HIVEP3: variants seen among roughly 807,000 people sequenced by gnomAD.
HIVEP3 encodes the protein HIVEP zinc finger 3.
Under a neutral mutation model 152.8 loss-of-function variants are expected in HIVEP3, and 49 were observed. The ratio of observed to expected loss-of-function variants is 0.32; its 90% CI spans 0.26 to 0.41. HIVEP3 has a LOEUF of 0.41. Ranked by LOEUF, HIVEP3 falls within the 10% of genes least tolerant of loss-of-function variation. HIVEP3 has a pLI of 1.00. For missense variants in HIVEP3, 2,790 were observed against 3,103.3 expected (o/e 0.90, Z 2.40); for synonymous variants, 1,269 against 1,289.0 (o/e 0.98, Z 0.33).
intron 3 of HIVEP3, among the ~76,000 whole-genome samples, chr1:41,605,635 G>C (rs991326730): frequency 6.6e-6 from 1 of 152,134 alleles, no homozygotes; most frequent in Non-Finnish European, 1.5e-5. Flanking sequence ...GACTCCTGGG[G>C]GTGGGGAGGG....
In HIVEP3 at chr1:41,818,464, G is replaced by A. The variant is rs180982707; in HGVS notation, c.-801+99949C>T. 3.3e-5 allele frequency among the ~76,000 whole-genome samples: 5 copies of A among 152,264 alleles called. No homozygotes were observed. In the East Asian group the frequency reaches 9.6e-4, roughly 29 times the overall value. ...CAGATGTAAATCCCTGGGGGCGGGG[G>A]CATTGATGAAGAAATGTGTTCAAGT... On this transcript the variant is annotated intron_variant, in intron 1 of 8. Coordinates refer to ENST00000372583, the MANE Select transcript of HIVEP3 (RefSeq NM_024503.5).
intron 2 of HIVEP3, among the ~76,000 whole-genome samples, chr1:41,649,136 C>T (rs1341118653): frequency 6.6e-6 from 1 of 152,238 alleles, no homozygotes. Context: ...TCAAAAGCCT[C>T]AAGTAGAGTC....
At chr1:41,562,554 C>CTTCT (rs1333468717) in intron 5 of HIVEP3, among the ~76,000 whole-genome samples, 1 of 76,210 alleles carries the variant, frequency 1.3e-5, no homozygotes, top group Non-Finnish European at 3.3e-5. Context: ...TCCTTCCTTC[C>CTTCT]TTCTTTCCTT....
Position 41,873,115 on chromosome 1 carries a change from C to A in HIVEP3, c.-801+45298G>T, listed in dbSNP as rs1341422573. Among the ~76,000 whole-genome samples, 1 of 152,250 alleles carries A rather than the reference C, an allele frequency of 6.6e-6. No individual in the cohort carries two copies. Reference sequence around the variant, plus strand: ...CTGCTTTGCTGAAGGGGCTGGCAGGCGGCTTCCCAGGCAGGGTCTGCTCAG... The same window carrying A: ...CTGCTTTGCTGAAGGGGCTGGCAGGAGGCTTCCCAGGCAGGGTCTGCTCAG... On this transcript the variant is annotated intron_variant, in intron 1 of 8. Coordinates refer to ENST00000372583, the MANE Select transcript of HIVEP3 (RefSeq NM_024503.5). The surrounding 1 kb of genome is among the most constrained non-coding windows in gnomAD (Gnocchi z 4.2).
At chr1:41,539,561 A>G (rs1050617496) in intron 5 of HIVEP3, among the ~76,000 whole-genome samples, 3 of 152,102 alleles carry the variant, frequency 2.0e-5, no homozygotes, top group Non-Finnish European at 4.4e-5. Context: ...TCACTCCCTT[A>G]TGTCCCAGAC....
chr1:41,812,428 C>G (rs1651016986), intron 1 of HIVEP3, among the ~76,000 whole-genome samples: 1 of 152,082 alleles, frequency 6.6e-6, no homozygotes, highest in Admixed American at 6.5e-5. Flanking sequence ...CAGAGCAAGA[C>G]TGTCTTAAAA....
At chr1:41,772,540 G>T (rs1015937497) in intron 1 of HIVEP3, among the ~76,000 whole-genome samples, 1 of 152,204 alleles carries the variant, frequency 6.6e-6, no homozygotes, top group Non-Finnish European at 1.5e-5. Context: ...TAACAGTGAA[G>T]AAAAAGGTGG....
intron 1 of HIVEP3, among the ~76,000 whole-genome samples, chr1:41,737,955 T>A (rs1346779877): frequency 2.6e-5 from 4 of 152,248 alleles, no homozygotes; most frequent in African/African-American, 7.2e-5. Context: ...TTGCTGTACC[T>A]GTTCTGTTCT....
At chr1:41,529,278 AC>A (rs1262038866) in intron 5 of HIVEP3, among the ~76,000 whole-genome samples, 2 of 75,616 alleles carry the variant, frequency 2.6e-5, no homozygotes, top group African/African-American at 6.0e-5. Flanking sequence ...ACATGCTCAC[AC>A]CCCCCACTGA....
chr1:41,631,772 T>C (rs992739260), intron 2 of HIVEP3, among the ~76,000 whole-genome samples: 6 of 152,132 alleles, frequency 3.9e-5, no homozygotes, highest in Non-Finnish European at 5.9e-5. Context: ...TGGGTTTCTA[T>C]CCTCCCTGAT....
intron 1 of HIVEP3, among the ~76,000 whole-genome samples, chr1:41,979,662 A>T (rs1011102825): frequency 1.3e-5 from 2 of 152,304 alleles, no homozygotes; most frequent in South Asian, 4.1e-4. Context: ...GTGATCTCAT[A>T]TCCAGGGCTT....
Position 41,513,393 on chromosome 1 carries a change from C to A in HIVEP3, c.5828G>T (p.Gly1943Val). The change falls in exon 8 of 9, where the codon GGA becomes GTA. Residue 1943 changes from glycine to valine, a missense_variant. Physicochemically the swap from Gly to Val is moderately radical, Grantham distance 109. Around this residue, in one of 9 missense-constraint regions of HIVEP3, gnomAD observed 816 missense variants for 806.5 expected, o/e 1.01. Transcript: ENST00000372583. Reference sequence around the variant, plus strand: ...CTCCACAGAGCCCAGAGGGGCCGGTCCCAGCCAGGGGAGGCCCGGCATGCT... The same window carrying A: ...CTCCACAGAGCCCAGAGGGGCCGGTACCAGCCAGGGGAGGCCCGGCATGCT... Reference protein sequence around the residue: ...SQSMPGLPWLGPAPLGSVEKD... With the variant: ...SQSMPGLPWLVPAPLGSVEKD... The A allele has an allele frequency of 6.2e-7, 1 of 1,611,900 alleles. No individual in the cohort carries two copies. Among genetic ancestry groups the A allele is most frequent in the Non-Finnish European group, 8.5e-7 (1 of 1,179,210 alleles).
intron 2 of HIVEP3, among the ~76,000 whole-genome samples, chr1:41,658,577 C>CA (rs1392003631): frequency 1.3e-5 from 2 of 152,138 alleles, no homozygotes; most frequent in South Asian, 2.1e-4. Context: ...CTCACTTCAC[C>CA]CCCCCCATGA....
At chr1:42,032,092 A>T (rs1397568376) in intron 1 of HIVEP3, among the ~76,000 whole-genome samples, 1 of 152,240 alleles carries the variant, frequency 6.6e-6, no homozygotes, top group African/African-American at 2.4e-5. Flanking sequence ...ACTGGACAAC[A>T]GAATCCCCTA....
intron 1 of HIVEP3, among the ~76,000 whole-genome samples, chr1:41,888,565 G>GC (rs1377949997): frequency 1.3e-5 from 2 of 151,820 alleles, no homozygotes; most frequent in African/African-American, 4.8e-5. Flanking sequence ...GAGGTGTTAG[G>GC]CCTTGTAGAG....
At chr1:41,762,500 C>G (rs1387576293) in intron 1 of HIVEP3, among the ~76,000 whole-genome samples, 1 of 152,218 alleles carries the variant, frequency 6.6e-6, no homozygotes, top group Non-Finnish European at 1.5e-5. Context: ...TTAGCATGCT[C>G]TAACACCTGC....
intron 1 of HIVEP3, among the ~76,000 whole-genome samples, chr1:41,961,523 A>G (rs1211828351): frequency 2.0e-5 from 3 of 152,260 alleles, no homozygotes; most frequent in African/African-American, 7.2e-5. Flanking sequence ...ACACTGGTAC[A>G]AGAAAATTGA....
intron 1 of HIVEP3, among the ~76,000 whole-genome samples, chr1:41,954,487 T>C (rs1645128801): frequency 2.0e-5 from 3 of 152,276 alleles, no homozygotes. Flanking sequence ...AGACTTCACC[T>C]TGGCACAGGC....
intron 1 of HIVEP3, among the ~76,000 whole-genome samples, chr1:41,732,410 C>A (rs11210517): frequency 6.6e-6 from 1 of 152,044 alleles, no homozygotes; most frequent in Non-Finnish European, 1.5e-5. Context: ...TAGCAGAGGG[C>A]GGTCTTAACA....
Sources: gnomAD v4.1 joint callset for allele counts (sites outside exome capture counted in the v4.1 genomes callset) on GRCh38, gnomAD v4.1.1 for gene constraint, gnomAD v4.1.1 regional missense constraint, Gnocchi (gnomAD v3.1) non-coding constraint, MANE v1.5 for transcripts, NCBI Gene and HGNC (gene_info 2026-07-23, HGNC 2026-07-21) for gene names.